R3HDM2: variants seen among roughly 807,000 people sequenced by gnomAD.
R3HDM2 encodes the protein R3H domain-containing protein 2.
In R3HDM2, 38 loss-of-function variants were observed where a neutral mutation model predicts 124.5. The observed-to-expected ratio is 0.31, with a 90% CI of 0.24 to 0.40. R3HDM2 has a LOEUF of 0.40. R3HDM2 is among the 10% of genes least tolerant of loss of function. The pLI is 1.00. For synonymous variants in R3HDM2, 391 were observed against 448.0 expected (o/e 0.87, Z 1.61); for missense variants, 869 against 1,236.9 (o/e 0.70, Z 4.46).
At chr12:57,309,799 T>G (rs959106775) in intron 3 of R3HDM2, among the ~76,000 whole-genome samples, 1 of 152,244 alleles carries the variant, frequency 6.6e-6, no homozygotes, top group Non-Finnish European at 1.5e-5. Context: ...TTAGACTTCA[T>G]TGTGGACTAT....
At chr12:57,282,226 G>A (rs1351842771) in intron 13 of R3HDM2, among the ~76,000 whole-genome samples, 2 of 151,308 alleles carry the variant, frequency 1.3e-5, no homozygotes, top group African/African-American at 4.9e-5. Context: ...CAGGAGAATC[G>A]CTTGAACCCG....
chr12:57,349,297 G>A (rs368670574), intron 2 of R3HDM2, among the ~76,000 whole-genome samples: 14 of 144,208 alleles, frequency 9.7e-5, no homozygotes, highest in African/African-American at 2.8e-4. Context: ...GGAGAATGGC[G>A]TGAACCCGGG....
At chr12:57,307,248 T>A (rs1435464696) in intron 3 of R3HDM2, among the ~76,000 whole-genome samples, 1 of 152,132 alleles carries the variant, frequency 6.6e-6, no homozygotes. Context: ...CCACTTAGAT[T>A]CTTGGGGAGA....
chr12:57,371,970 C>T (rs746861887), intron 2 of R3HDM2, among the ~76,000 whole-genome samples: 2 of 152,176 alleles, frequency 1.3e-5, no homozygotes, highest in South Asian at 2.1e-4. Context: ...CGGGTTCAAG[C>T]GATTCTCCTG....
At chr12:57,413,740 GA>G (rs2069237835) in intron 1 of R3HDM2, among the ~76,000 whole-genome samples, 2 of 149,910 alleles carry the variant, frequency 1.3e-5, no homozygotes, top group South Asian at 4.2e-4. Flanking sequence ...CATTCTCAAG[GA>G]AAAAACAACA....
At chr12:57,373,404 G>C (rs2063614257) in intron 2 of R3HDM2, among the ~76,000 whole-genome samples, 1 of 152,096 alleles carries the variant, frequency 6.6e-6, no homozygotes, top group Non-Finnish European at 1.5e-5. Context: ...GGAGGCTGAG[G>C]CAGGAGAATG....
chr12:57,348,761 T>C (rs1016762010), intron 2 of R3HDM2, among the ~76,000 whole-genome samples: 1 of 147,118 alleles, frequency 6.8e-6, no homozygotes, highest in South Asian at 2.2e-4. Context: ...CACACACCTG[T>C]AGTCCCAGCT....
At chr12:57,289,097 G>T (rs1013278657) in intron 11 of R3HDM2, 57 bp from the exon 12 acceptor site, 2 of 1,460,482 alleles carry the variant, frequency 1.4e-6, no homozygotes, top group South Asian at 2.4e-5. Context: ...TGGCATGACC[G>T]AAAAGGATGT....
chr12:57,291,293 T>C (rs140769415), intron 11 of R3HDM2, among the ~76,000 whole-genome samples: 196 of 151,602 alleles, frequency 1.3e-3, no homozygotes, highest in Middle Eastern at 6.8e-3. Context: ...TTCTCCCCCC[T>C]TGGTGAGAAA....
chr12:57,334,734 G>C (rs1357536800), intron 2 of R3HDM2, among the ~76,000 whole-genome samples: 1 of 152,052 alleles, frequency 6.6e-6, no homozygotes, highest in East Asian at 1.9e-4. Flanking sequence ...AGGATATATT[G>C]AGGAATCAGT....
chr12:57,265,799 G>GTT (rs911400072), intron 19 of R3HDM2, among the ~76,000 whole-genome samples: 138 of 138,474 alleles, frequency 1.0e-3, no homozygotes, highest in Admixed American at 3.0e-3. Flanking sequence ...CTCTTGGCTT[G>GTT]TTTTTTTTTT....
chr12:57,310,648 T>G (rs2053711358), intron 2 of R3HDM2, among the ~76,000 whole-genome samples, 185 bp from the exon 3 acceptor site: 1 of 152,076 alleles, frequency 6.6e-6, no homozygotes. Context: ...GAGGTAAAAT[T>G]GACATAAACT....
At chr12:57,292,905 G>A (rs758243012) in intron 10 of R3HDM2, among the ~76,000 whole-genome samples, 3 of 50,290 alleles carry the variant, frequency 6.0e-5, no homozygotes, top group African/African-American at 1.6e-4. Flanking sequence ...TCCCACCCCC[G>A]CAGTATCAAG....
At chr12:57,280,654 C>T (rs1657803267) in intron 13 of R3HDM2, 124 bp from the exon 14 acceptor site, 1 of 831,520 alleles carries the variant, frequency 1.2e-6, no homozygotes, top group African/African-American at 1.7e-5. Context: ...TTTGTCCCCT[C>T]CCCCACTGTC....
At chr12:57,348,720 A>AAAAAAAAAG (rs2060330840) in intron 2 of R3HDM2, among the ~76,000 whole-genome samples, 1 of 12,662 alleles carries the variant, frequency 7.9e-5, no homozygotes, top group African/African-American at 1.9e-4. Context: ...AAAAAAAAAA[A>AAAAAAAAAG]AGAGAGAGAA....
At chr12:57,317,338 C>T (rs1374362061) in intron 2 of R3HDM2, among the ~76,000 whole-genome samples, 1 of 151,612 alleles carries the variant, frequency 6.6e-6, no homozygotes, top group Non-Finnish European at 1.5e-5. Context: ...GCGCCCATCA[C>T]CACGAATGGC....
intron 3 of R3HDM2, among the ~76,000 whole-genome samples, chr12:57,306,309 T>A (rs994218650): frequency 1.3e-5 from 2 of 152,108 alleles, no homozygotes; most frequent in Non-Finnish European, 2.9e-5. Context: ...CACAGGCAGT[T>A]CTTTATTTCA....
At chr12:57,271,104 C>G (rs2043498482) in intron 14 of R3HDM2, among the ~76,000 whole-genome samples, 1 of 152,212 alleles carries the variant, frequency 6.6e-6, no homozygotes, top group African/African-American at 2.4e-5. Context: ...GTTCATGTGC[C>G]TTCACAGCTC....
At chr12:57,387,166 G>A (rs550205082) in intron 2 of R3HDM2, among the ~76,000 whole-genome samples, 16 of 152,152 alleles carry the variant, frequency 1.1e-4, no homozygotes, top group South Asian at 6.2e-4. Flanking sequence ...CAGGCTGCCC[G>A]AGCCACCAGT....
Sources: gnomAD v4.1 joint callset for allele counts (sites outside exome capture counted in the v4.1 genomes callset) on GRCh38, gnomAD v4.1.1 for gene constraint, MANE v1.5 for transcripts, NCBI Gene and HGNC (gene_info 2026-07-23, HGNC 2026-07-21) for gene names.